Variants in CASD1 observed in about 807,000 individuals in gnomAD.
CASD1 encodes CAS1 domain sialic acid O acetyltransferase 1, also known as N-acetylneuraminate (7)9-O-acetyltransferase.
In CASD1, 41 loss-of-function variants were observed where a neutral mutation model predicts 100.0. The ratio of observed to expected loss-of-function variants is 0.41; its 90% confidence interval spans 0.32 to 0.53. The LOEUF is 0.53. Among genes scored for constraint, CASD1 ranks in the 20% least tolerant of loss-of-function variants. CASD1 has a pLI of 0.25. For synonymous variants in CASD1, 321 were observed against 315.6 expected (o/e 1.02, Z -0.18); for missense variants, 774 against 948.7 (o/e 0.82, Z 2.42).
chr7:94,537,953 G>T (rs1795198925), intron 9 of CASD1, 59 bp downstream of exon 9: 8 of 918,708 alleles, frequency 8.7e-6, no homozygotes, highest in Middle Eastern at 2.9e-4. Context: ...CATACTCTGT[G>T]TTAAAGAACT....
chr7:94,529,962 C>G lies in CASD1; in HGVS notation c.459+1712C>G, dbSNP rs531617109. 1.1e-3 allele frequency among the ~76,000 whole-genome samples: 173 copies of G among 152,212 alleles called. 1 individual carries two copies. Among genetic ancestry groups the G allele is most frequent in the African/African-American group, 4.0e-3 (167 of 41,532 alleles). On this transcript the variant is annotated intron_variant, in intron 5 of 17. Transcript: ENST00000297273. ...AAAGCAAATTTGAATTGAGAGGACT[C>G]TAAGTAGATTGTTATTCCACAGATA...
chr7:94,556,991 A>G lies in CASD1; in HGVS notation c.*1233A>G, dbSNP rs1046297200. The G allele has an allele frequency of 5.9e-5, 9 of 152,088 alleles. No individual in the cohort carries two copies. Among genetic ancestry groups the G allele is most frequent in the Admixed American group, 1.3e-4 (2 of 15,246 alleles). 9.4% of individuals were successfully genotyped at this position (152,088 alleles called of 1,614,324 possible). A position where few individuals can be genotyped will look rare whatever the true frequency, so the allele number is the denominator to read the frequency against. ...TTATTTTTGTATTGGCAAAGTATCA[A>G]TTAAACTATATGTGTTCTTTTTCAA... On this transcript the variant is annotated 3_prime_UTR_variant, in exon 18 of 18. Coordinates refer to ENST00000297273, the MANE Select transcript of CASD1 (RefSeq NM_022900.5).
In CASD1 at chr7:94,509,911, G is replaced by A; in HGVS notation, c.-174G>A. ...GGCCGCGGCCGAGGAGGGGCAGGCG[G>A]AGGTCGGGGGCGCCGCGGCCGCGGG... On this transcript the variant is annotated 5_prime_UTR_variant, in exon 1 of 18. Coordinates refer to ENST00000297273, the MANE Select transcript of CASD1 (RefSeq NM_022900.5). 1 of 1,117,974 alleles carries A rather than the reference G, an allele frequency of 8.9e-7. No homozygotes were observed. Among genetic ancestry groups the A allele is most frequent in the Non-Finnish European group, 1.1e-6 (1 of 912,894 alleles). The allele number at this position is 1,117,974 out of a possible 1,614,324, so 69.3% of individuals were successfully genotyped here. A position where few individuals can be genotyped will look rare whatever the true frequency, so the allele number is the denominator to read the frequency against.
chr7:94,589,760 T>A, the CASD1 span: 1 of 186,756 alleles, frequency 5.4e-6, no homozygotes, highest in Non-Finnish European at 1.1e-5. Context: ...CATCACCCCC[T>A]GATGGTACTG....
rs148670741 is a variant in CASD1 at position 94,535,427 on chromosome 7, A to G, written c.747A>G (p.Ser249=). Residue 249 remains serine, a synonymous_variant, in exon 8 of 18, where the codon TCA becomes TCG. Coordinates refer to ENST00000297273, the MANE Select transcript of CASD1 (RefSeq NM_022900.5). The stretch of plus-strand genomic sequence containing the variant: ...ATAGTAGCACCAGAAATTCTAAATC[A>G]AATGTTAAGATGTTCAGTGTTTCCA... ...ILNSSTRNSK[S]NVKMFSVSKL... is the part of the protein sequence containing the mutation. 8.6e-4 allele frequency: 1,380 copies of G among 1,613,582 alleles called. 10 individuals are homozygous for G. In the African/African-American group the frequency reaches 0.016, roughly 19 times the overall value.
At chr7:94,553,244 T>G (rs1796034781) in intron 16 of CASD1, 2 of 230,992 alleles carry the variant, frequency 8.7e-6, no homozygotes, top group African/African-American at 2.3e-5. Context: ...GTTTTCTCAT[T>G]TAATGTTCAC....
intron 13 of CASD1, among the ~76,000 whole-genome samples, chr7:94,548,258 C>T (rs1305382929): frequency 2.0e-5 from 3 of 151,660 alleles, no homozygotes; most frequent in Non-Finnish European, 3.0e-5. Context: ...CTGTCTTTCA[C>T]AAAATAGTGC....
the CASD1 span, among the ~76,000 whole-genome samples, chr7:94,578,707 T>A: frequency 2.0e-5 from 3 of 152,178 alleles, no homozygotes; most frequent in East Asian, 5.8e-4. Context: ...TGGAAGTACC[T>A]GGCTGGAAAT....
At chr7:94,558,680 C>T (rs1017355444), downstream of CASD1, among the ~76,000 whole-genome samples, 1 of 152,090 alleles carries the variant, frequency 6.6e-6, no homozygotes, top group Middle Eastern at 3.2e-3. Flanking sequence ...AAGGTGTATT[C>T]TGGCTCATTT....
the CASD1 span, among the ~76,000 whole-genome samples, chr7:94,591,525 T>C: frequency 6.6e-6 from 1 of 152,142 alleles, no homozygotes; most frequent in Admixed American, 6.5e-5. Flanking sequence ...TGTTCTAACA[T>C]AGGTAGTGGT....
the CASD1 span, among the ~76,000 whole-genome samples, chr7:94,633,478 A>C: frequency 5.9e-5 from 9 of 152,144 alleles, no homozygotes; most frequent in Non-Finnish European, 1.3e-4. Context: ...AATTTATCTC[A>C]TCACCATGTT....
chr7:94,559,947 A>G (rs138231661), downstream of CASD1, among the ~76,000 whole-genome samples: 453 of 152,356 alleles, frequency 3.0e-3, 3 homozygotes, highest in African/African-American at 0.01. Flanking sequence ...CCTATGTTAT[A>G]TTAAAAGCTT....
At chr7:94,527,001 G>T (rs945264663) in intron 3 of CASD1, among the ~76,000 whole-genome samples, 161 bp from the exon 4 acceptor site, 1 of 152,070 alleles carries the variant, frequency 6.6e-6, no homozygotes, top group Non-Finnish European at 1.5e-5. Context: ...TTCTATGTCG[G>T]TTTTTTCCCT....
chr7:94,570,818 G>A, the CASD1 span, among the ~76,000 whole-genome samples: 1 of 152,086 alleles, frequency 6.6e-6, no homozygotes, highest in Non-Finnish European at 1.5e-5. Flanking sequence ...AAATCATGTA[G>A]AAAATTAAAA....
At chr7:94,601,464 A>C in the CASD1 span, among the ~76,000 whole-genome samples, 23 of 109,810 alleles carry the variant, frequency 2.1e-4, no homozygotes, top group Admixed American at 2.0e-3. Flanking sequence ...AAAAAAAAAA[A>C]AAAAAAAAAA....
At chr7:94,586,061 GAAA>G in the CASD1 span, among the ~76,000 whole-genome samples, 13 of 28,904 alleles carry the variant, frequency 4.5e-4, no homozygotes, top group African/African-American at 1.7e-3. Context: ...GGAACTAAAT[GAAA>G]AAAAAAAAAA....
At chr7:94,591,354 A>T in the CASD1 span, among the ~76,000 whole-genome samples, 1 of 152,128 alleles carries the variant, frequency 6.6e-6, no homozygotes, top group Non-Finnish European at 1.5e-5. Flanking sequence ...TCTACACTCA[A>T]AACGAACACA....
At chr7:94,524,180 A>C (rs1304620356) in intron 3 of CASD1, 1 of 152,140 alleles carries the variant, frequency 6.6e-6, no homozygotes, top group Non-Finnish European at 1.5e-5. Context: ...TGCTAACCAT[A>C]AAATAAAAGA....
At chr7:94,551,024 A>G (rs1192491451) in intron 14 of CASD1, among the ~76,000 whole-genome samples, 1 of 152,102 alleles carries the variant, frequency 6.6e-6, no homozygotes, top group Non-Finnish European at 1.5e-5. Context: ...ATTTTATCAT[A>G]TGTCTGTAGG....
Sources: allele counts gnomAD v4.1 joint callset (sites outside exome capture counted in the v4.1 genomes callset), GRCh38; gene constraint gnomAD v4.1.1; transcripts MANE v1.5; gene names NCBI Gene and HGNC (gene_info 2026-07-23, HGNC 2026-07-21).